Variants in ABCA4 observed in about 807,000 individuals in gnomAD.
ABCA4 encodes retinal-specific phospholipid-transporting ATPase ABCA4.
A neutral mutation model predicts 263.7 loss-of-function variants in ABCA4; 196 were observed. The ratio of observed to expected loss-of-function variants is 0.74; its 90% CI spans 0.66 to 0.84. The LOEUF is 0.84. ABCA4 is among the 40% of genes least tolerant of loss of function. The probability of loss-of-function intolerance (pLI) is 0.00; values close to 1 mark genes in which losing one functional copy is unlikely to be tolerated. For missense variants in ABCA4, 2,792 were observed against 2,855.1 expected, an observed-to-expected ratio of 0.98 and a Z score of 0.50; for synonymous variants, 1,133 against 1,094.2, an observed-to-expected ratio of 1.04 and a Z score of -0.70.
chr1:93,995,597 T>A (rs80333611), intron 49 of ABCA4, among the ~76,000 whole-genome samples: 3,605 of 152,332 alleles, frequency 0.024, 156 homozygotes, highest in African/African-American at 0.083. Flanking sequence ...TTGTAATTTT[T>A]ATAAAGAACA....
chr1:94,111,867 C>T lies in ABCA4; in HGVS notation c.161-288G>A, dbSNP rs1889404. On this transcript the variant is annotated intron_variant, in intron 2 of 49. Coordinates refer to ENST00000370225, the MANE Select transcript of ABCA4 (RefSeq NM_000350.3). The stretch of plus-strand genomic sequence containing the variant: ...CAAGGGGGGACACGTCATTTTGTGC[C>T]GAGAGGGGCATAGGAGTGTTAGTTC... Among the ~76,000 whole-genome samples, 31,192 of 152,000 alleles carry T rather than the reference C, an allele frequency of 0.21. 3,304 individuals are homozygous for T. Among genetic ancestry groups the T allele is most frequent in the Middle Eastern group, 0.23 (68 of 294 alleles).
intron 48 of ABCA4, among the ~76,000 whole-genome samples, chr1:93,996,437 A>AG: frequency 1.3e-5 from 2 of 152,292 alleles, no homozygotes; most frequent in African/African-American, 4.8e-5. Flanking sequence ...GGAGGACTCA[A>AG]GGGACTTGGG....
At position 94,015,812 on chromosome 1, in the gene ABCA4, T is replaced by G; in HGVS notation, c.5239A>C (p.Ile1747Leu). 2 of 1,613,964 alleles carry G rather than the reference T, an allele frequency of 1.2e-6. No homozygotes were observed. Among genetic ancestry groups the G allele is most frequent in the Non-Finnish European group, 1.7e-6 (2 of 1,179,996 alleles). Residue 1747 changes from isoleucine to leucine, a missense_variant, in exon 37 of 50, where the codon ATC (isoleucine) becomes CTC (leucine). Coordinates refer to ENST00000370225, the MANE Select transcript of ABCA4 (RefSeq NM_000350.3). Reference sequence around the variant, plus strand: ...GTGTAGGCTTTCTTCTGAAACCCGATGAAGATGCCCACCACCAGCCCAGCA... The same window carrying G: ...GTGTAGGCTTTCTTCTGAAACCCGAGGAAGATGCCCACCACCAGCCCAGCA... ...VSAGLVVGIF[I>L]GFQKKAYTSP... is the part of the protein sequence containing the mutation.
intron 34 of ABCA4, 27 bp downstream of exon 34, chr1:94,021,613 A>G: frequency 6.3e-7 from 1 of 1,590,924 alleles, no homozygotes. Flanking sequence ...TTTTAGCTCC[A>G]GAGCAGATTA....
rs1658989723 is a variant in ABCA4, at chr1:93,996,055, G to A, written c.6816+54C>T. The stretch of plus-strand genomic sequence containing the variant: ...AACTCAAGCCCAGTGAACCAGCTGG[G>A]CTCTGAGCCAAGGAACTGCCTCAAG... On this transcript the variant is annotated intron_variant, in intron 49 of 49. Transcript: ENST00000370225. The A allele has an allele frequency of 8.4e-6, 13 of 1,539,342 alleles. No individual in the cohort carries two copies. In the South Asian group the frequency reaches 1.3e-4, roughly 16 times the overall value.
chr1:94,009,373 A>T (rs1659485491), intron 40 of ABCA4, among the ~76,000 whole-genome samples: 1 of 152,140 alleles, frequency 6.6e-6, no homozygotes, highest in African/African-American at 2.4e-5. Context: ...CAGAGTTGTC[A>T]TCAGGCCACC....
At chr1:94,084,164 G>A (rs2101112858) in intron 6 of ABCA4, among the ~76,000 whole-genome samples, 1 of 152,332 alleles carries the variant, frequency 6.6e-6, no homozygotes, top group African/African-American at 2.4e-5. Flanking sequence ...GGAAACCAAG[G>A]TCATGTCCTG....
chr1:94,038,238 C>T (rs944343847), intron 24 of ABCA4, among the ~76,000 whole-genome samples: 3 of 152,148 alleles, frequency 2.0e-5, no homozygotes, highest in Non-Finnish European at 4.4e-5. Context: ...GTTTATCTGA[C>T]ACATGTATAC....
intron 31 of ABCA4, 47 bp from the exon 32 acceptor site, chr1:94,023,465 G>A (rs759839525): frequency 6.8e-7 from 1 of 1,463,710 alleles, no homozygotes; most frequent in Non-Finnish European, 9.5e-7. Context: ...AAGTACAGCA[G>A]TGCCGTTAAC....
intron 14 of ABCA4, among the ~76,000 whole-genome samples, chr1:94,058,030 G>C (rs569957810): frequency 7.2e-5 from 11 of 152,312 alleles, no homozygotes; most frequent in African/African-American, 2.4e-4. Context: ...ATGGGCATGC[G>C]AGAGCTGAGT....
chr1:94,096,729 C>T (rs1315060714), intron 6 of ABCA4, among the ~76,000 whole-genome samples: 2 of 152,242 alleles, frequency 1.3e-5, no homozygotes, highest in African/African-American at 4.8e-5. Flanking sequence ...CCTACTATCT[C>T]TGGCATTGAC....
chr1:94,108,855 C>T (rs552009463), intron 3 of ABCA4, 139 bp from the exon 4 acceptor site: 32 of 1,099,736 alleles, frequency 2.9e-5, no homozygotes, highest in Admixed American at 6.3e-5. Context: ...TCACTGCAAG[C>T]TCTGCCCCCC....
intron 47 of ABCA4, among the ~76,000 whole-genome samples, chr1:94,000,369 T>G (rs1659138731): frequency 6.6e-6 from 1 of 152,222 alleles, no homozygotes; most frequent in South Asian, 2.1e-4. Context: ...CTGCCATTGT[T>G]GGTTTGTCAT....
intron 19 of ABCA4, chr1:94,045,620 A>G: frequency 2.5e-6 from 1 of 400,842 alleles, no homozygotes; most frequent in Non-Finnish European, 5.1e-6. Flanking sequence ...CGCCACACCC[A>G]GCTCTGTCCC....
intron 43 of ABCA4, among the ~76,000 whole-genome samples, chr1:94,006,735 C>T (rs1235356364): frequency 6.6e-6 from 1 of 152,218 alleles, no homozygotes; most frequent in African/African-American, 2.4e-5. Context: ...AGGACTCGTC[C>T]TGCCCACTGG....
chr1:94,060,846 A>C (rs2101075566), intron 13 of ABCA4, 87 bp from the exon 14 acceptor site: 2 of 1,137,564 alleles, frequency 1.8e-6, no homozygotes, highest in Non-Finnish European at 2.6e-6. Flanking sequence ...ATGTGTTGAG[A>C]ACAAAGCCCA....
chr1:94,010,758 G>T lies in ABCA4; in HGVS notation c.5714+42C>A, dbSNP rs376150861. The stretch of plus-strand genomic sequence containing the variant: ...GTGGGTATAAGGTCCAGTTCTGGAT[G>T]CCCTGAGCTGCCCACTGGCCCAGGG... On this transcript the variant is annotated intron_variant, in intron 40 of 49. Coordinates refer to ENST00000370225, the MANE Select transcript of ABCA4 (RefSeq NM_000350.3). 38 of 1,613,906 alleles carry T rather than the reference G, an allele frequency of 2.4e-5. No homozygotes were observed. In the African/African-American group the frequency reaches 5.1e-4, roughly 22 times the overall value.
chr1:94,031,789 A>T lies in ABCA4; in HGVS notation c.4117T>A (p.Phe1373Ile), dbSNP rs1205837857. The T allele has an allele frequency of 6.2e-7, 1 of 1,613,786 alleles. No individual in the cohort carries two copies. The change falls in exon 27 of 50, where the codon TTC becomes ATC. Residue 1373 changes from phenylalanine (F) to isoleucine (I), a missense_variant. Phe to Ile is a conservative substitution (Grantham distance 21). Transcript: ENST00000370225. ...ACCGACAATAGTACCTGCGCCAGGA[A>T]GTCCTTGTGGCTGCGGATGGTGTGT... is the stretch of plus-strand genomic sequence containing the variant. The part of the protein sequence containing the change: ...FQHTIRSHKD[F>I]LAQIVLPATF...
In ABCA4 at chr1:94,098,799, G is replaced by A. The variant is rs62645952; in HGVS notation, c.763C>T (p.Arg255Cys). Residue 255 changes from arginine (R) to cysteine (C), a missense_variant, in exon 6 of 50, where the codon CGT becomes TGT. By Grantham distance (180) the Arg-to-Cys change is radical. Coordinates refer to ENST00000370225, the MANE Select transcript of ABCA4 (RefSeq NM_000350.3). ...YANVDFFKLF[R>C]VLPTLLDSRS... Reference sequence around the variant, plus strand: ...CAGCCAAACCCCTCCCTTACCACACGGAAGAGCTTGAAGAAGTCCACGTTG... The same window carrying A: ...CAGCCAAACCCCTCCCTTACCACACAGAAGAGCTTGAAGAAGTCCACGTTG... The A allele has an allele frequency of 3.6e-5, 58 of 1,614,148 alleles. No individual in the cohort carries two copies. The East Asian group carries it at 8.9e-4, about 25-fold the overall frequency.
Sources: gnomAD v4.1 joint callset for allele counts (sites outside exome capture counted in the v4.1 genomes callset) on GRCh38, gnomAD v4.1.1 for gene constraint, MANE v1.5 for transcripts, NCBI Gene and HGNC (gene_info 2026-07-23, HGNC 2026-07-21) for gene names.